STON2: variants seen among roughly 807,000 people sequenced by gnomAD.
STON2 encodes stonin 2, also known as stonin-2.
Under a neutral mutation model 65.7 loss-of-function variants are expected in STON2, and 29 were observed. The ratio of observed to expected loss-of-function variants is 0.44; its 90% CI spans 0.33 to 0.60. STON2 has a LOEUF of 0.60. Among genes scored for constraint, STON2 ranks in the 20% least tolerant of loss-of-function variants. The probability of loss-of-function intolerance (pLI) is 0.03; values close to 1 mark genes in which losing one functional copy is unlikely to be tolerated. For synonymous variants in STON2, 404 were observed against 414.2 expected, an observed-to-expected ratio of 0.98 and a Z score of 0.30; for missense variants, 1,054 against 1,118.1, an observed-to-expected ratio of 0.94 and a Z score of 0.82.
chr14:81,302,094 A>G (rs1895990557), intron 5 of STON2, among the ~76,000 whole-genome samples: 1 of 152,208 alleles, frequency 6.6e-6, no homozygotes, highest in African/African-American at 2.4e-5. Flanking sequence ...ACACAAAAAC[A>G]TCAGGACTAA....
rs1894902090 is a variant in STON2, at chr14:81,277,615, A to G, written c.1867T>C (p.Tyr623His). The G allele has an allele frequency of 1.9e-6, 3 of 1,614,044 alleles. No homozygotes were observed. The highest frequency in any genetic ancestry group is 2.2e-5 in the East Asian group (1 of 44,888). ...TCCACTGTAATCTCCTCTTCAAGGT[A>G]GTTGAGGCCAACTGTGCTCAAGTCC... ...SMDLSTVGLN[Y>H]LEEEITVDVR... Residue 623 changes from tyrosine to histidine, a missense_variant, in exon 6 of 8, where the codon TAC (tyrosine) becomes CAC (histidine). Transcript: ENST00000614646.
At chr14:81,289,024 G>A (rs899492620) in intron 5 of STON2, among the ~76,000 whole-genome samples, 1 of 150,224 alleles carries the variant, frequency 6.7e-6, no homozygotes, top group Non-Finnish European at 1.5e-5. Flanking sequence ...TCACTCATGT[G>A]CACCTCCACA....
chr14:81,415,668 C>CAA (rs35270491), intron 2 of STON2, among the ~76,000 whole-genome samples: 5,128 of 77,072 alleles, frequency 0.067, 266 homozygotes, highest in Admixed American at 0.086. Flanking sequence ...GACTCCATCG[C>CAA]AAAAAAAAAA....
Position 81,342,426 on chromosome 14 carries a change from C to T in STON2, c.572-18239G>A, listed in dbSNP as rs1461595880. Among the ~76,000 whole-genome samples the T allele has an allele frequency of 2.0e-5, 3 of 152,280 alleles. No homozygotes were observed. The South Asian group carries it at 6.2e-4, about 32-fold the overall frequency. On this transcript the variant is annotated intron_variant, in intron 4 of 7. Transcript: ENST00000614646. ...CTGGGATTACAGGAGTGAGCCACTGCGCCCAGCCCATAATGGACTTTTGAT... is the reference window on the plus strand; with the variant it reads ...CTGGGATTACAGGAGTGAGCCACTGTGCCCAGCCCATAATGGACTTTTGAT...
At chr14:81,436,255 C>G (rs1902419549) in intron 1 of STON2, 2 of 151,746 alleles carry the variant, frequency 1.3e-5, no homozygotes, top group South Asian at 3.8e-4. Context: ...CCCCCGCCCG[C>G]TCCACCTGCG....
chr14:81,288,998 C>T (rs1266441151), intron 5 of STON2, among the ~76,000 whole-genome samples: 1 of 150,276 alleles, frequency 6.7e-6, no homozygotes, highest in African/African-American at 2.5e-5. Flanking sequence ...TAGGACTGCC[C>T]TCTGCCACAG....
chr14:81,377,360 T>C (rs866034701), intron 3 of STON2, among the ~76,000 whole-genome samples: 1 of 152,188 alleles, frequency 6.6e-6, no homozygotes. Context: ...TTCCTTTTTA[T>C]TGCTGAGTAG....
At chr14:81,394,779 G>A (rs1228870807) in intron 3 of STON2, among the ~76,000 whole-genome samples, 1 of 152,118 alleles carries the variant, frequency 6.6e-6, no homozygotes, top group African/African-American at 2.4e-5. Context: ...GAAGGGCCAG[G>A]AAACAGACTC....
intron 4 of STON2, among the ~76,000 whole-genome samples, chr14:81,336,708 T>G (rs1480283056): frequency 1.3e-5 from 2 of 151,800 alleles, no homozygotes; most frequent in African/African-American, 4.8e-5. Flanking sequence ...CTGGTGACTT[T>G]AAGGAATTAA....
chr14:81,429,994 C>T (rs1164847790), intron 1 of STON2, among the ~76,000 whole-genome samples: 1 of 152,138 alleles, frequency 6.6e-6, no homozygotes, highest in Non-Finnish European at 1.5e-5. Flanking sequence ...CCACTTGACC[C>T]CTTTACTTCA....
intron 4 of STON2, among the ~76,000 whole-genome samples, chr14:81,337,504 T>A (rs969210414): frequency 1.3e-5 from 2 of 151,860 alleles, no homozygotes; most frequent in African/African-American, 4.8e-5. Context: ...AGTAAAGAGG[T>A]AGAGAAGAAA....
At chr14:81,385,020 C>T (rs551751941) in intron 3 of STON2, among the ~76,000 whole-genome samples, 1 of 152,304 alleles carries the variant, frequency 6.6e-6, no homozygotes, top group African/African-American at 2.4e-5. Flanking sequence ...CCATTAGTAA[C>T]AGATTGCCCA....
rs536794859 is a variant in STON2 at position 81,269,367 on chromosome 14, T to C, written c.2785-870A>G. On this transcript the variant is annotated intron_variant, in intron 7 of 7. Coordinates refer to ENST00000614646, the MANE Select transcript of STON2 (RefSeq NM_001394390.1). The stretch of plus-strand genomic sequence containing the variant: ...CTGATAAATACTGGAATGTTTACAG[T>C]TCTGCAATATCTTCTGCAAAATACT... 35 of 985,438 alleles carry C rather than the reference T, an allele frequency of 3.6e-5. No homozygotes were observed. In the African/African-American group the frequency reaches 4.7e-4, roughly 13 times the overall value. 61.0% of individuals were successfully genotyped at this position (985,438 alleles called of 1,614,324 possible). A position where few individuals can be genotyped will look rare whatever the true frequency, so the allele number is the denominator to read the frequency against.
chr14:81,404,927 G>A (rs972686904), upstream of STON2, among the ~76,000 whole-genome samples: 5 of 152,090 alleles, frequency 3.3e-5, no homozygotes, highest in Admixed American at 3.3e-4. Flanking sequence ...TTGCCTTTTG[G>A]TCTGAATGTT....
chr14:81,308,024 T>C (rs1423216652), intron 5 of STON2, among the ~76,000 whole-genome samples: 1 of 152,160 alleles, frequency 6.6e-6, no homozygotes, highest in Non-Finnish European at 1.5e-5. Flanking sequence ...AATCAGATAA[T>C]ATATCTGAAG....
intron 5 of STON2, among the ~76,000 whole-genome samples, chr14:81,298,414 T>A (rs1459271321): frequency 8.9e-6 from 1 of 111,896 alleles, no homozygotes; most frequent in Non-Finnish European, 1.8e-5. Context: ...CTGCTTCAGA[T>A]GGGGGGGGGG....
chr14:81,382,556 G>A (rs1899577125), intron 3 of STON2, among the ~76,000 whole-genome samples: 1 of 152,154 alleles, frequency 6.6e-6, no homozygotes, highest in South Asian at 2.1e-4. Context: ...GGGGAGGGAA[G>A]GGGATGTGAT....
chr14:81,434,157 A>T (rs1035570753), intron 1 of STON2, among the ~76,000 whole-genome samples: 1 of 152,238 alleles, frequency 6.6e-6, no homozygotes, highest in Non-Finnish European at 1.5e-5. Context: ...TCCTTAGAAC[A>T]ACTTCTAAGA....
intron 4 of STON2, among the ~76,000 whole-genome samples, chr14:81,338,366 G>T (rs1462261103): frequency 1.3e-5 from 2 of 152,202 alleles, no homozygotes; most frequent in African/African-American, 4.8e-5. Context: ...AAAGGACAGG[G>T]TTCAGGGAGC....
Sources: gnomAD v4.1 joint callset for allele counts (sites outside exome capture counted in the v4.1 genomes callset) on GRCh38, gnomAD v4.1.1 for gene constraint, MANE v1.5 for transcripts, NCBI Gene and HGNC (gene_info 2026-07-23, HGNC 2026-07-21) for gene names.